RGS7: variants seen among roughly 807,000 people sequenced by gnomAD.
RGS7 encodes regulator of G protein signaling 7.
A neutral mutation model predicts 81.1 loss-of-function variants in RGS7; 27 were observed. The ratio of observed to expected loss-of-function variants is 0.33; its 90% CI spans 0.25 to 0.46. RGS7 has a LOEUF of 0.46. RGS7 is among the 20% of genes least tolerant of loss of function. The probability of loss-of-function intolerance (pLI) is 1.00; values close to 1 mark genes in which losing one functional copy is unlikely to be tolerated. For synonymous variants in RGS7, 208 were observed against 207.7 expected (o/e 1.00, Z -0.01); for missense variants, 396 against 607.4 (o/e 0.65, Z 3.66).
intron 2 of RGS7, among the ~76,000 whole-genome samples, chr1:241,221,222 T>G (rs11584669): frequency 0.29 from 44,283 of 151,926 alleles, 6,800 homozygotes; most frequent in African/African-American, 0.4. Flanking sequence ...GAGACATGAA[T>G]CTAAGCTAAA....
intron 6 of RGS7, among the ~76,000 whole-genome samples, chr1:240,876,827 G>T (rs1665500390): frequency 6.6e-6 from 1 of 152,122 alleles, no homozygotes; most frequent in Non-Finnish European, 1.5e-5. Flanking sequence ...TGGGCTTGGT[G>T]GTGCACACCT....
At chr1:241,318,417 A>G (rs1489250328) in intron 2 of RGS7, among the ~76,000 whole-genome samples, 1 of 151,996 alleles carries the variant, frequency 6.6e-6, no homozygotes, top group Non-Finnish European at 1.5e-5. Flanking sequence ...TGCCCTTGCC[A>G]GCATCTAAAA....
intron 6 of RGS7, among the ~76,000 whole-genome samples, chr1:240,900,034 T>C (rs1669724564): frequency 6.6e-6 from 1 of 152,226 alleles, no homozygotes; most frequent in African/African-American, 2.4e-5. Context: ...TTTCATTCAT[T>C]TGATCTTCAA....
intron 3 of RGS7, among the ~76,000 whole-genome samples, chr1:241,019,401 C>T (rs1176758324): frequency 6.6e-6 from 1 of 151,910 alleles, no homozygotes; most frequent in Non-Finnish European, 1.5e-5. Context: ...TACATGTGCG[C>T]AACATGCAGG....
intron 2 of RGS7, among the ~76,000 whole-genome samples, chr1:241,313,968 T>C (rs2080709093): frequency 6.6e-6 from 1 of 152,190 alleles, no homozygotes; most frequent in Admixed American, 6.5e-5. Context: ...GACTAAATTG[T>C]TGTAATCTCA....
chr1:240,923,096 C>T (rs1673850600), intron 6 of RGS7, among the ~76,000 whole-genome samples: 1 of 151,650 alleles, frequency 6.6e-6, no homozygotes, highest in African/African-American at 2.4e-5. Flanking sequence ...GAAGAAAAGG[C>T]TCTACACTGT....
chr1:241,239,348 G>A (rs2076157581), intron 2 of RGS7, among the ~76,000 whole-genome samples: 1 of 152,010 alleles, frequency 6.6e-6, no homozygotes. Flanking sequence ...CTAGATGATG[G>A]CATCTGCTGG....
rs112154589 is a variant in RGS7 at position 240,948,488 on chromosome 1, G to A, written c.227-11782C>T. Reference sequence around the variant, plus strand: ...TTTGAGACGGAGTCTGTGTTGCCCAGGCTGGAGTGCATTGGCGTGATCTGG... The same window carrying A: ...TTTGAGACGGAGTCTGTGTTGCCCAAGCTGGAGTGCATTGGCGTGATCTGG... On this transcript the variant is annotated intron_variant, in intron 4 of 18. Transcript: ENST00000440928. Among the ~76,000 whole-genome samples the A allele has an allele frequency of 6.0e-3, 915 of 152,204 alleles. 13 individuals carry two copies. Among genetic ancestry groups the A allele is most frequent in the African/African-American group, 0.021 (865 of 41,516 alleles).
chr1:240,899,570 C>T (rs1171876246), intron 6 of RGS7, among the ~76,000 whole-genome samples: 5 of 152,214 alleles, frequency 3.3e-5, no homozygotes, highest in Admixed American at 2.6e-4. Context: ...ATATGAAATT[C>T]TGGGTTGAAA....
Position 240,932,906 on chromosome 1 carries a change from C to T in RGS7, c.334-2138G>A, listed in dbSNP as rs1428734433. Among the ~76,000 whole-genome samples, 7 of 84,586 alleles carry T rather than the reference C, an allele frequency of 8.3e-5. No individual in the cohort carries two copies. The East Asian group carries it at 1.1e-3, about 13-fold the overall frequency. The allele number at this position is 84,586 out of a possible 152,430, so 55.5% of individuals were successfully genotyped here. ...TTTTTTTTTTTTTTTTTTTTTGAGA[C>T]AGAGTCTCGCTCTGTCGCCCAGGCT... On this transcript the variant is annotated intron_variant, in intron 5 of 18. Coordinates refer to ENST00000440928, the MANE Select transcript of RGS7 (RefSeq NM_001364886.1).
chr1:241,112,926 T>C (rs903122210), intron 2 of RGS7, among the ~76,000 whole-genome samples: 6 of 152,218 alleles, frequency 3.9e-5, no homozygotes, highest in Non-Finnish European at 2.9e-5. Flanking sequence ...TTGCCTTTTA[T>C]ATGGGGATTT....
At chr1:240,963,922 G>A (rs2148484055) in intron 4 of RGS7, among the ~76,000 whole-genome samples, 1 of 152,302 alleles carries the variant, frequency 6.6e-6, no homozygotes, top group African/African-American at 2.4e-5. Context: ...CGAAGCGGGT[G>A]GATCACTTGA....
At chr1:241,088,272 G>A (rs1288512774) in intron 3 of RGS7, among the ~76,000 whole-genome samples, 1 of 151,822 alleles carries the variant, frequency 6.6e-6, no homozygotes, top group Non-Finnish European at 1.5e-5. Flanking sequence ...TACCAGATGA[G>A]GTCTGAGAGG....
At position 241,259,650 on chromosome 1, in the gene RGS7, C is replaced by CAAAAAA. The variant is rs71571832; in HGVS notation, c.78+96043_78+96048dup. ...GGACAACAAGAGCGAAACTCCGTCT[C>CAAAAAA]AAAAAAAAAAAAAAAAAATATATAT... On this transcript the variant is annotated intron_variant, in intron 2 of 18. Coordinates refer to ENST00000440928, the MANE Select transcript of RGS7 (RefSeq NM_001364886.1). 4.8e-4 allele frequency among the ~76,000 whole-genome samples: 19 copies of CAAAAAA among 39,900 alleles called. 1 individual carries two copies. The highest frequency in any genetic ancestry group is 2.0e-3 in the African/African-American group (16 of 8,202). The allele number at this position is 39,900 out of a possible 152,430, so 26.2% of individuals were successfully genotyped here. A position where few individuals can be genotyped will look rare whatever the true frequency, so the allele number is the denominator to read the frequency against.
At chr1:241,250,161 T>C (rs1441866105) in intron 2 of RGS7, among the ~76,000 whole-genome samples, 1 of 152,210 alleles carries the variant, frequency 6.6e-6, no homozygotes, top group South Asian at 2.1e-4. Flanking sequence ...TTAATCTTGA[T>C]GGTGAGTACA....
chr1:240,875,267 G>T (rs61834062), intron 6 of RGS7, among the ~76,000 whole-genome samples: 1 of 151,866 alleles, frequency 6.6e-6, no homozygotes, highest in Non-Finnish European at 1.5e-5. Flanking sequence ...GATTCCACAC[G>T]AGTGACATCA....
intron 2 of RGS7, among the ~76,000 whole-genome samples, chr1:241,153,156 T>A (rs2068873760): frequency 6.6e-6 from 1 of 152,110 alleles, no homozygotes; most frequent in Non-Finnish European, 1.5e-5. Flanking sequence ...AACCCACAGG[T>A]AGATTTTGTT....
At chr1:241,070,971 G>C (rs2062405532) in intron 3 of RGS7, among the ~76,000 whole-genome samples, 1 of 152,088 alleles carries the variant, frequency 6.6e-6, no homozygotes, top group Non-Finnish European at 1.5e-5. Flanking sequence ...AGAATAAGAA[G>C]AACTAGATTG....
rs77159439 is a variant in RGS7, at chr1:241,047,924, G to A, written c.175+50742C>T. ...CTGGCTAATTTTTGTATTTTTAGTAGAGATGGGGTTTCACCATGTTAGTCA... is the reference window on the plus strand; with the variant it reads ...CTGGCTAATTTTTGTATTTTTAGTAAAGATGGGGTTTCACCATGTTAGTCA... On this transcript the variant is annotated intron_variant, in intron 3 of 18. Transcript: ENST00000440928. Among the ~76,000 whole-genome samples, 845 of 151,908 alleles carry A rather than the reference G, an allele frequency of 5.6e-3. 6 individuals are homozygous for A. The highest frequency in any genetic ancestry group is 0.02 in the Admixed American group (312 of 15,248).
Sources: gnomAD v4.1 joint callset for allele counts (sites outside exome capture counted in the v4.1 genomes callset) on GRCh38, gnomAD v4.1.1 for gene constraint, MANE v1.5 for transcripts, NCBI Gene and HGNC (gene_info 2026-07-23, HGNC 2026-07-21) for gene names.